Variants in SLC4A4 observed in about 807,000 individuals in gnomAD.
SLC4A4 encodes the protein solute carrier family 4 member 4, also known as electrogenic sodium bicarbonate cotransporter 1.
In SLC4A4, 27 loss-of-function variants were observed where a neutral mutation model predicts 111.5. The ratio of observed to expected loss-of-function variants is 0.24; its 90% CI spans 0.18 to 0.33. The LOEUF (loss-of-function observed/expected upper bound fraction) is 0.33. Among genes scored for constraint, SLC4A4 ranks in the 10% least tolerant of loss-of-function variants. The pLI is 1.00. For missense variants in SLC4A4, 909 were observed against 1,315.5 expected, an observed-to-expected ratio of 0.69 and a Z score of 4.78; for synonymous variants, 443 against 463.4, an observed-to-expected ratio of 0.96 and a Z score of 0.57.
intron 3 of SLC4A4, among the ~76,000 whole-genome samples, chr4:71,265,080 C>T (rs1250898133): frequency 6.6e-6 from 1 of 152,188 alleles, no homozygotes; most frequent in Non-Finnish European, 1.5e-5. Context: ...TTTCCTTAAA[C>T]CTCTTTTATC....
chr4:71,237,817 C>G (rs1234713118), intron 2 of SLC4A4, among the ~76,000 whole-genome samples: 1 of 152,176 alleles, frequency 6.6e-6, no homozygotes, highest in Non-Finnish European at 1.5e-5. Flanking sequence ...CGCATTTATG[C>G]TCTTGAGACT....
At chr4:71,210,599 C>A (rs1180003625) in intron 1 of SLC4A4, among the ~76,000 whole-genome samples, 11 of 152,232 alleles carry the variant, frequency 7.2e-5, no homozygotes, top group Admixed American at 4.6e-4. Flanking sequence ...CCATTCCCCA[C>A]ACTTACCCCA....
At chr4:71,095,235 A>G (rs1742508426) in intron 2 of SLC4A4, among the ~76,000 whole-genome samples, 1 of 152,236 alleles carries the variant, frequency 6.6e-6, no homozygotes, top group African/African-American at 2.4e-5. Context: ...GTAAAACCCT[A>G]TATCCTGGAA....
chr4:71,420,352 ATC>A (rs1189989281), intron 7 of SLC4A4, among the ~76,000 whole-genome samples: 4 of 151,988 alleles, frequency 2.6e-5, no homozygotes, highest in Non-Finnish European at 5.9e-5. Context: ...GACCAAATCT[ATC>A]TCTGATTGGT....
intron 7 of SLC4A4, among the ~76,000 whole-genome samples, chr4:71,402,388 A>G (rs918412775): frequency 2.6e-5 from 4 of 152,172 alleles, no homozygotes; most frequent in African/African-American, 9.6e-5. Flanking sequence ...TTCTCTTAGC[A>G]TTAATAGTTA....
At chr4:71,291,343 A>C (rs1809127) in intron 3 of SLC4A4, among the ~76,000 whole-genome samples, 1 of 152,194 alleles carries the variant, frequency 6.6e-6, no homozygotes, top group African/African-American at 2.4e-5. Context: ...AATAAAATTT[A>C]AAAAAAGTTA....
At chr4:71,103,877 C>A (rs1278750140) in intron 2 of SLC4A4, among the ~76,000 whole-genome samples, 1 of 138,492 alleles carries the variant, frequency 7.2e-6, no homozygotes, top group Non-Finnish European at 1.6e-5. Context: ...AAAGCAAGAG[C>A]AAACACATTC....
At position 71,357,196 on chromosome 4, in the gene SLC4A4, G is replaced by C. The variant is rs1421234900; in HGVS notation, c.730+9G>C. ...TACCAACCCTGATAATGGTAATGCA[G>C]AGGCCAGCTGGCTGCTGCTTTCTCT... is the stretch of plus-strand genomic sequence containing the variant. On this transcript the variant is annotated intron_variant, in intron 6 of 25. Coordinates refer to ENST00000264485, the MANE Select transcript of SLC4A4 (RefSeq NM_001098484.3). 1.2e-6 allele frequency: 2 copies of C among 1,613,532 alleles called. No homozygotes were observed. The highest frequency in any genetic ancestry group is 1.7e-6 in the Non-Finnish European group (2 of 1,179,520).
chr4:71,140,479 G>A (rs1015552858), intron 2 of SLC4A4, among the ~76,000 whole-genome samples: 1 of 152,134 alleles, frequency 6.6e-6, no homozygotes, highest in East Asian at 1.9e-4. Context: ...TATCTTCAAC[G>A]GTGACTCTTT....
At chr4:71,077,023 C>CACATATACATATATGTAAAAAT (rs1226790208) in intron 1 of SLC4A4, among the ~76,000 whole-genome samples, 3 of 149,050 alleles carry the variant, frequency 2.0e-5, no homozygotes, top group Admixed American at 6.7e-5. Flanking sequence ...TGTGTAAAAA[C>CACATATACATATATGTAAAAAT]ACATATACAT....
chr4:71,171,573 T>A (rs1744941626), intron 2 of SLC4A4, among the ~76,000 whole-genome samples: 1 of 152,236 alleles, frequency 6.6e-6, no homozygotes. Flanking sequence ...TATTAATGAT[T>A]GAATGCAGCA....
intron 1 of SLC4A4, among the ~76,000 whole-genome samples, chr4:71,227,015 C>T (rs538179563): frequency 6.6e-6 from 1 of 152,136 alleles, no homozygotes; most frequent in East Asian, 1.9e-4. Context: ...ATGACATGCC[C>T]AAGTACAGTT....
chr4:71,094,170 G>A (rs761071540), intron 2 of SLC4A4, among the ~76,000 whole-genome samples: 2 of 152,182 alleles, frequency 1.3e-5, no homozygotes, highest in Non-Finnish European at 2.9e-5. Flanking sequence ...GCCACGAGTG[G>A]CATACAGTCA....
chr4:71,256,375 G>A (rs1721452988), intron 3 of SLC4A4, among the ~76,000 whole-genome samples: 1 of 152,274 alleles, frequency 6.6e-6, no homozygotes, highest in East Asian at 1.9e-4. Context: ...AATTTACAGA[G>A]TTAAATTAAA....
At chr4:71,221,631 C>T (rs772298299) in intron 1 of SLC4A4, among the ~76,000 whole-genome samples, 1 of 152,204 alleles carries the variant, frequency 6.6e-6, no homozygotes, top group Non-Finnish European at 1.5e-5. Context: ...CATCTTCTAG[C>T]ACTACGTGTT....
chr4:71,151,388 T>C (rs1044140663), intron 2 of SLC4A4, among the ~76,000 whole-genome samples: 2 of 152,178 alleles, frequency 1.3e-5, no homozygotes, highest in African/African-American at 4.8e-5. Context: ...TTTCTCTGGT[T>C]CTGCTGACCT....
intron 1 of SLC4A4, among the ~76,000 whole-genome samples, chr4:71,070,316 G>A (rs937861680): frequency 3.3e-5 from 5 of 152,098 alleles, no homozygotes; most frequent in African/African-American, 1.2e-4. Flanking sequence ...TCACTTTGGG[G>A]GGCTCTGTTT....
intron 5 of SLC4A4, among the ~76,000 whole-genome samples, chr4:71,354,426 A>G (rs1259823307): frequency 6.6e-6 from 1 of 152,230 alleles, no homozygotes; most frequent in African/African-American, 2.4e-5. Flanking sequence ...CCCGGAACAT[A>G]TTACAGAGCT....
chr4:71,152,231 A>G (rs975786610), intron 2 of SLC4A4, among the ~76,000 whole-genome samples: 4 of 152,100 alleles, frequency 2.6e-5, no homozygotes, highest in African/African-American at 9.7e-5. Context: ...GGTAACCATT[A>G]TTCTAAATTT....
Sources: gnomAD v4.1 joint callset for allele counts (sites outside exome capture counted in the v4.1 genomes callset) on GRCh38, gnomAD v4.1.1 for gene constraint, MANE v1.5 for transcripts, NCBI Gene and HGNC (gene_info 2026-07-23, HGNC 2026-07-21) for gene names.